The following WWOX variants were observed in gnomAD, a reference collection of about 807,000 sequenced individuals.
WWOX encodes WW domain containing oxidoreductase.
Under a neutral mutation model 46.2 loss-of-function variants are expected in WWOX, and 69 were observed. That is an observed-to-expected ratio of 1.49 (90% CI 1.23 to 1.82). The LOEUF (loss-of-function observed/expected upper bound fraction) is 1.82, where lower values mean the gene tolerates loss of function less well. Ranked by LOEUF, WWOX falls within the 40% of genes most tolerant of loss-of-function variation. The probability of loss-of-function intolerance (pLI) is 0.00; values close to 1 mark genes in which losing one functional copy is unlikely to be tolerated. For missense variants in WWOX, 919 were observed against 542.6 expected (o/e 1.69, Z -6.89); for synonymous variants, 359 against 202.6 (o/e 1.77, Z -6.56).
At chr16:78,467,516 A>T (rs1027253459) in intron 8 of WWOX, among the ~76,000 whole-genome samples, 1 of 152,178 alleles carries the variant, frequency 6.6e-6, no homozygotes, top group Admixed American at 6.5e-5. Flanking sequence ...ATTGACTTCA[A>T]AAAAGACTTT....
chr16:78,158,635 T>C (rs112635744), intron 4 of WWOX, among the ~76,000 whole-genome samples: 1,714 of 152,300 alleles, frequency 0.011, 26 homozygotes, highest in African/African-American at 0.024. Context: ...TGTAAATTCA[T>C]TGGTATAAAG....
intron 8 of WWOX, among the ~76,000 whole-genome samples, chr16:78,468,392 C>G (rs1220885288): frequency 2.6e-5 from 4 of 151,774 alleles, no homozygotes; most frequent in Non-Finnish European, 5.9e-5. Flanking sequence ...CGTATTGTTG[C>G]AACGGCAAAA....
At chr16:78,367,789 G>A (rs1027123932) in intron 5 of WWOX, among the ~76,000 whole-genome samples, 3 of 150,894 alleles carry the variant, frequency 2.0e-5, no homozygotes, top group Non-Finnish European at 4.4e-5. Context: ...ATGGAGTCTC[G>A]CTCTGTCACC....
chr16:78,756,863 C>T, intron 8 of WWOX: 1 of 701,258 alleles, frequency 1.4e-6, no homozygotes, highest in Non-Finnish European at 2.6e-6. Context: ...TTGCAGACAT[C>T]AGAGCATGTG....
chr16:79,125,373 G>A (rs749092888), intron 8 of WWOX, among the ~76,000 whole-genome samples: 2 of 152,190 alleles, frequency 1.3e-5, no homozygotes, highest in Non-Finnish European at 2.9e-5. Context: ...GAAAGTAAAT[G>A]GTTTATGAGG....
intron 5 of WWOX, among the ~76,000 whole-genome samples, chr16:78,198,505 A>C (rs948850004): frequency 1.3e-5 from 2 of 152,154 alleles, no homozygotes; most frequent in African/African-American, 4.8e-5. Flanking sequence ...AATGGGCTCT[A>C]TGCCAGTGTT....
chr16:78,570,675 C>T (rs540329445), intron 8 of WWOX, among the ~76,000 whole-genome samples: 2 of 152,222 alleles, frequency 1.3e-5, no homozygotes, highest in East Asian at 3.9e-4. Flanking sequence ...TCTGAAGACA[C>T]AAAGGTGAAC....
intron 8 of WWOX, among the ~76,000 whole-genome samples, chr16:79,126,570 T>A (rs1185584669): frequency 1.3e-5 from 2 of 152,170 alleles, no homozygotes; most frequent in East Asian, 3.9e-4. Context: ...GTGGTAAGTT[T>A]CCTGAGGCCT....
At position 78,866,135 on chromosome 16, in the gene WWOX, A is replaced by G. The variant is rs182168610; in HGVS notation, c.1057-345473A>G. 2.0e-5 allele frequency among the ~76,000 whole-genome samples: 3 copies of G among 152,324 alleles called. No homozygotes were observed. In the East Asian group the frequency reaches 5.8e-4, roughly 29 times the overall value. On this transcript the variant is annotated intron_variant, in intron 8 of 8. Transcript: ENST00000566780. ...TTGATCTCTTTCTCTTCCATAACATAGATTTCCCATCTAGCTCCTGGGCTA... is the reference window on the plus strand; with the variant it reads ...TTGATCTCTTTCTCTTCCATAACATGGATTTCCCATCTAGCTCCTGGGCTA...
chr16:79,021,075 C>T (rs373437851), intron 8 of WWOX, among the ~76,000 whole-genome samples: 1 of 152,162 alleles, frequency 6.6e-6, no homozygotes, highest in Non-Finnish European at 1.5e-5. Context: ...TCATTTACCT[C>T]ATTCAAAATG....
intron 8 of WWOX, among the ~76,000 whole-genome samples, chr16:78,609,210 T>C (rs912404525): frequency 6.6e-5 from 10 of 152,236 alleles, no homozygotes; most frequent in South Asian, 2.1e-4. Context: ...TTGATAGATA[T>C]CATTGTTTCC....
chr16:78,781,217 G>A (rs2050315629), intron 8 of WWOX, among the ~76,000 whole-genome samples: 2 of 152,310 alleles, frequency 1.3e-5, no homozygotes, highest in African/African-American at 2.4e-5. Flanking sequence ...CAAAGCCTAT[G>A]TGGGTGGGAA....
At chr16:79,209,320 C>T (rs760266622) in intron 8 of WWOX, among the ~76,000 whole-genome samples, 1 of 152,148 alleles carries the variant, frequency 6.6e-6, no homozygotes, top group Non-Finnish European at 1.5e-5. Context: ...AATACCATTC[C>T]AGTAATGCAA....
chr16:78,724,422 A>G (rs2048775523), intron 8 of WWOX, among the ~76,000 whole-genome samples: 1 of 152,206 alleles, frequency 6.6e-6, no homozygotes, highest in Non-Finnish European at 1.5e-5. Context: ...GAAGAAGTTA[A>G]GGTAAATGGC....
intron 8 of WWOX, among the ~76,000 whole-genome samples, chr16:78,874,065 G>C (rs938660261): frequency 6.6e-6 from 1 of 151,504 alleles, no homozygotes; most frequent in Non-Finnish European, 1.5e-5. Flanking sequence ...TTTGAAACCA[G>C]CCTGACCAAC....
At chr16:78,434,255 C>A (rs765526858) in intron 8 of WWOX, among the ~76,000 whole-genome samples, 1 of 152,110 alleles carries the variant, frequency 6.6e-6, no homozygotes, top group Non-Finnish European at 1.5e-5. Flanking sequence ...AAAGGACCTA[C>A]GGAGAATGGT....
intron 8 of WWOX, among the ~76,000 whole-genome samples, chr16:78,649,359 C>T (rs983209982): frequency 9.2e-5 from 14 of 152,148 alleles, no homozygotes; most frequent in Non-Finnish European, 2.1e-4. Context: ...TCCTAGCTTA[C>T]TGCAGCCTGT....
chr16:78,722,380 G>A (rs1479134835), intron 8 of WWOX, among the ~76,000 whole-genome samples: 3 of 152,170 alleles, frequency 2.0e-5, no homozygotes, highest in African/African-American at 7.2e-5. Context: ...TCATGGGTGT[G>A]TTTAAGGATT....
chr16:78,243,727 C>A (rs893361585), intron 5 of WWOX, among the ~76,000 whole-genome samples: 1 of 152,140 alleles, frequency 6.6e-6, no homozygotes, highest in South Asian at 2.1e-4. Flanking sequence ...TTGTATTTTG[C>A]GTAGAGGCAG....
Sources: gnomAD v4.1 joint callset for allele counts (sites outside exome capture counted in the v4.1 genomes callset) on GRCh38, gnomAD v4.1.1 for gene constraint, MANE v1.5 for transcripts, NCBI Gene and HGNC (gene_info 2026-07-23, HGNC 2026-07-21) for gene names.